The following L3MBTL1 variants were observed in gnomAD, a reference collection of about 807,000 sequenced individuals.
The protein encoded by L3MBTL1 is lethal(3)malignant brain tumor-like protein 1.
L3MBTL1 carries 75 observed loss-of-function variants against 105.3 expected under a neutral mutation model. That is an observed-to-expected ratio of 0.71 (90% CI 0.59 to 0.86). The LOEUF is 0.86. L3MBTL1 is among the 40% of genes least tolerant of loss of function. The pLI is 0.00. For missense variants in L3MBTL1, 1,069 were observed against 1,126.4 expected, an observed-to-expected ratio of 0.95 and a Z score of 0.73; for synonymous variants, 452 against 436.2, an observed-to-expected ratio of 1.04 and a Z score of -0.45.
At chr20:43,539,976 CTGTG>C (rs1325215571) in intron 19 of L3MBTL1, 171 bp from the exon 20 acceptor site, 1 of 701,776 alleles carries the variant, frequency 1.4e-6, no homozygotes, top group Non-Finnish European at 2.5e-6. Flanking sequence ...GGAGTGAACA[CTGTG>C]TGAGGAGTCA....
chr20:43,530,481 C>A, intron 10 of L3MBTL1, 62 bp downstream of exon 10: 1 of 1,544,652 alleles, frequency 6.5e-7, no homozygotes, highest in Non-Finnish European at 8.8e-7. Flanking sequence ...CGCTTCTTCC[C>A]CTTGGGTCCC....
At chr20:43,548,229 A>T (rs990050197) in exon 19 of L3MBTL1, 1 of 1,304,056 alleles carries the variant, frequency 7.7e-7, no homozygotes, top group African/African-American at 1.5e-5. Context: ...AAAAACGCTG[A>T]TGACACCTTA....
intron 16 of L3MBTL1, 54 bp downstream of exon 16, chr20:43,534,996 T>A (rs1483300603): frequency 7.7e-7 from 1 of 1,291,852 alleles, no homozygotes; most frequent in Non-Finnish European, 1.1e-6. Context: ...GTTCTGACAA[T>A]CCTATAGTTT....
chr20:43,540,168 G>A lies in L3MBTL1; in HGVS notation c.2191G>A (p.Val731Met), dbSNP rs781689500. The A allele has an allele frequency of 2.6e-5, 42 of 1,612,644 alleles. No homozygotes were observed. Among genetic ancestry groups the A allele is most frequent in the Non-Finnish European group, 3.4e-5 (40 of 1,180,022 alleles). ...EDFQTLTPDV[V>M]HQSLFMSALS... is the part of the protein sequence containing the mutation. ...CTTTCCAGCCCTCACGCCCGATGTC[G>A]TGCACCAGTCCCTCTTCATGTCAGC... is the stretch of plus-strand genomic sequence containing the variant. Residue 731 changes from valine (V) to methionine (M), a missense_variant, in exon 20 of 22, where the codon GTG becomes ATG. By Grantham distance (21) the Val-to-Met change is conservative. Coordinates refer to ENST00000418998, the MANE Select transcript of L3MBTL1 (RefSeq NM_001377303.1).
intron 13 of L3MBTL1, 152 bp from the exon 14 acceptor site, chr20:43,533,856 G>A (rs2019466057): frequency 1.5e-6 from 1 of 663,820 alleles, no homozygotes. Context: ...ATCTGCCTGA[G>A]GAGCCCAGTG....
rs754252769 is a variant in L3MBTL1, at chr20:43,515,105, C to T, written c.599C>T (p.Ala200Val). The part of the protein sequence containing the change: ...QCQACGPHQA[A>V]GPDLGSSNDG... ...CAGGCGTGCGGGCCTCACCAAGCCG[C>T]GGGTCCAGATCTTGGTTCCTCTAAT... The change falls in exon 5 of 22, where the codon GCG (alanine) becomes GTG (valine). Residue 200 changes from alanine (A) to valine (V), a missense_variant. Coordinates refer to ENST00000418998, the MANE Select transcript of L3MBTL1 (RefSeq NM_001377303.1). 1.9e-6 allele frequency: 3 copies of T among 1,614,176 alleles called. No individual in the cohort carries two copies. The highest frequency in any genetic ancestry group is 2.2e-5 in the East Asian group (1 of 44,884).
intron 7 of L3MBTL1, among the ~76,000 whole-genome samples, chr20:43,524,351 T>C (rs572254593): frequency 4.6e-5 from 7 of 152,352 alleles, no homozygotes; most frequent in African/African-American, 1.7e-4. Flanking sequence ...TGTTCTTTTA[T>C]TTAACAAATA....
chr20:43,510,858 C>T (rs2018117146), intron 1 of L3MBTL1, among the ~76,000 whole-genome samples: 1 of 151,936 alleles, frequency 6.6e-6, no homozygotes, highest in African/African-American at 2.4e-5. Flanking sequence ...GTTGGGACTA[C>T]AGGCATATAC....
intron 16 of L3MBTL1, 38 bp from the exon 17 acceptor site, chr20:43,535,799 A>G (rs2019573648): frequency 3.6e-6 from 5 of 1,381,854 alleles, no homozygotes; most frequent in South Asian, 2.7e-5. Flanking sequence ...CCCCACCCCC[A>G]GGACTCCATG....
In L3MBTL1 at chr20:43,534,120, G is replaced by A. The variant is rs1454421546; in HGVS notation, c.1599+27G>A. ...TGAGTCAGTGCTCCCTGACCCCAGA[G>A]CTGAGCTCAGAAAGACATGGAGCAC... On this transcript the variant is annotated intron_variant, in intron 14 of 21. Coordinates refer to ENST00000418998, the MANE Select transcript of L3MBTL1 (RefSeq NM_001377303.1). 5 of 1,597,480 alleles carry A rather than the reference G, an allele frequency of 3.1e-6. No homozygotes were observed. The South Asian group carries it at 5.5e-5, about 18-fold the overall frequency.
intron 18 of L3MBTL1, among the ~76,000 whole-genome samples, chr20:43,547,406 T>C (rs1029169016): frequency 6.6e-6 from 1 of 152,192 alleles, no homozygotes; most frequent in African/African-American, 2.4e-5. Context: ...GCCCGGCCAA[T>C]TGACATTTTT....
Position 43,519,957 on chromosome 20 carries a change from A to G in L3MBTL1, c.862+3780A>G, listed in dbSNP as rs188552038. ...TGAGATACAATTCACACACCATACA[A>G]TTCATCCATTTGAAGTGTACAATTC... is the stretch of plus-strand genomic sequence containing the variant. On this transcript the variant is annotated intron_variant, in intron 7 of 21. Coordinates refer to ENST00000418998, the MANE Select transcript of L3MBTL1 (RefSeq NM_001377303.1). 2.7e-3 allele frequency among the ~76,000 whole-genome samples: 409 copies of G among 152,292 alleles called. 1 individual carries two copies. The highest frequency in any genetic ancestry group is 4.5e-3 in the Non-Finnish European group (308 of 68,018).
rs772712126 is a variant in L3MBTL1 at position 43,534,350 on chromosome 20, A to G, written c.1666A>G (p.Ile556Val). The G allele has an allele frequency of 6.2e-7, 1 of 1,614,146 alleles. No individual in the cohort carries two copies. The highest frequency in any genetic ancestry group is 1.1e-5 in the South Asian group (1 of 91,084). The change falls in exon 15 of 22, where the codon ATT becomes GTT. Residue 556 changes from isoleucine (I) to valine (V), a missense_variant. Ile to Val is a conservative substitution (Grantham distance 29). Transcript: ENST00000418998. Reference sequence around the variant, plus strand: ...TGTGGACCGCAGGAACCCAGCCCTGATTCGCGTGGCCAGCGTGGAGGATGT... The same window carrying G: ...TGTGGACCGCAGGAACCCAGCCCTGGTTCGCGTGGCCAGCGTGGAGGATGT... ...EAVDRRNPALIRVASVEDVED... is the reference protein window; with the variant it reads ...EAVDRRNPALVRVASVEDVED...
Position 43,514,205 on chromosome 20 carries a change from C to T in L3MBTL1, c.360+144C>T. 4.8e-6 allele frequency: 4 copies of T among 828,298 alleles called. No homozygotes were observed. The South Asian group carries it at 5.2e-5, about 11-fold the overall frequency. 51.3% of individuals were successfully genotyped at this position (828,298 alleles called of 1,614,324 possible). On this transcript the variant is annotated intron_variant, in intron 3 of 21. Coordinates refer to ENST00000418998, the MANE Select transcript of L3MBTL1 (RefSeq NM_001377303.1). ...AGGGGTGGGCTTTGAGTGAGGGACT[C>T]TCGGGGCGTGGCTTGAGTTGAAGCA...
Position 43,530,306 on chromosome 20 carries a change from T to C in L3MBTL1, c.1079T>C (p.Leu360Pro). Residue 360 changes from leucine (L) to proline (P), a missense_variant, in exon 10 of 22, where the codon CTG (leucine) becomes CCG (proline). Physicochemically the swap from Leu to Pro is moderately conservative, Grantham distance 98. Transcript: ENST00000418998. ...CAGGTATGTGGCTATCGCCTACGCC[T>C]GCACTTTGATGGGTATTCTGAGTGC... ...VAEVCGYRLR[L>P]HFDGYSECHD... 6.2e-7 allele frequency: 1 copy of C among 1,614,122 alleles called. No homozygotes were observed. The highest frequency in any genetic ancestry group is 8.5e-7 in the Non-Finnish European group (1 of 1,179,998).
chr20:43,548,152 C>T (rs1978754593), exon 19 of L3MBTL1: 1 of 1,304,338 alleles, frequency 7.7e-7, no homozygotes, highest in African/African-American at 1.5e-5. Flanking sequence ...CACAGGCGGA[C>T]ATTGTGAAGA....
At chr20:43,522,971 G>A (rs889946863) in intron 7 of L3MBTL1, among the ~76,000 whole-genome samples, 5 of 151,654 alleles carry the variant, frequency 3.3e-5, no homozygotes, top group African/African-American at 1.2e-4. Context: ...AGCTGGGCAT[G>A]GTGGTGCACG....
chr20:43,523,811 T>C (rs1035554689), intron 7 of L3MBTL1, among the ~76,000 whole-genome samples: 4 of 152,084 alleles, frequency 2.6e-5, no homozygotes, highest in Non-Finnish European at 4.4e-5. Context: ...CTGGCCAACG[T>C]GGTGAAACCC....
chr20:43,521,913 A>G (rs1028197963), intron 7 of L3MBTL1, among the ~76,000 whole-genome samples: 7 of 152,196 alleles, frequency 4.6e-5, no homozygotes, highest in Non-Finnish European at 8.8e-5. Context: ...GTAATTTCAA[A>G]GTAGCTCTGT....
Sources: allele counts gnomAD v4.1 joint callset (sites outside exome capture counted in the v4.1 genomes callset), GRCh38; gene constraint gnomAD v4.1.1; transcripts MANE v1.5; gene names NCBI Gene and HGNC (gene_info 2026-07-23, HGNC 2026-07-21).